The following DHX40 variants were observed in gnomAD, a reference collection of about 807,000 sequenced individuals.
DHX40 encodes the protein DEAH-box helicase 40.
A neutral mutation model predicts 89.6 loss-of-function variants in DHX40; 28 were observed. The observed-to-expected ratio is 0.31, with a 90% CI of 0.23 to 0.43. The LOEUF (loss-of-function observed/expected upper bound fraction) is 0.43, where lower values mean the gene tolerates loss of function less well. Ranked by LOEUF, DHX40 falls within the 20% of genes least tolerant of loss-of-function variation. DHX40 has a pLI of 1.00. For synonymous variants in DHX40, 226 were observed against 283.6 expected, an observed-to-expected ratio of 0.80 and a Z score of 2.04; for missense variants, 457 against 844.0, an observed-to-expected ratio of 0.54 and a Z score of 5.68.
chr17:59,567,339 G>A (rs117826007), intron 2 of DHX40, among the ~76,000 whole-genome samples: 2,015 of 152,210 alleles, frequency 0.013, 25 homozygotes, highest in Non-Finnish European at 0.021. Flanking sequence ...GAAGTTCCAC[G>A]CCACCAAGTC....
chr17:59,566,760 AAC>A lies in DHX40; in HGVS notation c.248_249del (p.Thr83AsnfsTer9), dbSNP rs2048710708. 6.3e-7 allele frequency: 1 copy of A among 1,589,774 alleles called. No homozygotes were observed. The highest frequency in any genetic ancestry group is 1.4e-5 in the African/African-American group (1 of 73,138). On this transcript the variant is annotated frameshift_variant, in exon 2 of 18. Coordinates refer to ENST00000251241, the MANE Select transcript of DHX40 (RefSeq NM_024612.5). LOFTEE classifies it high-confidence loss of function. Reference protein sequence around the residue: ...IVTGNTGSGKTTQLPKYLYEA... With the variant: ...IVTGNTGSGKXTQLPKYLYEA... The stretch of plus-strand genomic sequence containing the variant: ...TTACTGGAAATACAGGAAGTGGTAA[AAC>A]AACTCAACTCCCAAAATATCTATAT...
Position 59,605,468 on chromosome 17 carries a change from T to G in DHX40, c.1994T>G (p.Leu665Arg). 1 of 1,613,250 alleles carries G rather than the reference T, an allele frequency of 6.2e-7. No homozygotes were observed. Among genetic ancestry groups the G allele is most frequent in the East Asian group, 2.2e-5 (1 of 44,848 alleles). Residue 665 changes from leucine (L) to arginine (R), a missense_variant, in exon 17 of 18, where the codon CTT becomes CGT. Leu to Arg is a moderately radical substitution (Grantham distance 102). Coordinates refer to ENST00000251241, the MANE Select transcript of DHX40 (RefSeq NM_024612.5). ...TAGCTTCATGAACAGGAAACCAAAC[T>G]TGAATGGATCATTTTTCATGAGGTA... Reference protein sequence around the residue: ...SSALHEQETKLEWIIFHEVLV... With the variant: ...SSALHEQETKREWIIFHEVLV...
chr17:59,586,891 C>T (rs534977883), intron 11 of DHX40, among the ~76,000 whole-genome samples: 1 of 151,550 alleles, frequency 6.6e-6, no homozygotes, highest in African/African-American at 2.4e-5. Context: ...TGGTGGCTCA[C>T]GCCTGTAATT....
chr17:59,587,593 G>T (rs28361507), intron 11 of DHX40, among the ~76,000 whole-genome samples: 8,728 of 151,348 alleles, frequency 0.058, 708 homozygotes, highest in African/African-American at 0.19. Flanking sequence ...AAGTAGCAGG[G>T]ACTACAGGCG....
chr17:59,586,827 T>C (rs1273842953), intron 11 of DHX40, among the ~76,000 whole-genome samples: 1 of 152,110 alleles, frequency 6.6e-6, no homozygotes, highest in South Asian at 2.1e-4. Flanking sequence ...TTCATGTTTG[T>C]GTGATGGGGT....
intron 12 of DHX40, among the ~76,000 whole-genome samples, chr17:59,589,974 G>C (rs1287267925): frequency 2.0e-5 from 3 of 151,068 alleles, no homozygotes; most frequent in Admixed American, 6.6e-5. Context: ...GCCTACCTTG[G>C]CCTTGGGATT....
At chr17:59,602,147 A>G (rs1042803645) in intron 14 of DHX40, among the ~76,000 whole-genome samples, 1 of 152,006 alleles carries the variant, frequency 6.6e-6, no homozygotes, top group African/African-American at 2.4e-5. Flanking sequence ...TGTCCTGTGA[A>G]TTCTAGCCAC....
At position 59,573,743 on chromosome 17, in the gene DHX40, A is replaced by T. The variant is rs2048842971; in HGVS notation, c.550A>T (p.Ile184Phe). The T allele has an allele frequency of 6.2e-7, 1 of 1,613,810 alleles. No homozygotes were observed. The highest frequency in any genetic ancestry group is 1.7e-5 in the Admixed American group (1 of 59,984). Residue 184 changes from isoleucine (I) to phenylalanine (F), a missense_variant, in exon 5 of 18, where the codon ATC (isoleucine) becomes TTC (phenylalanine). Physicochemically the swap from Ile to Phe is conservative, Grantham distance 21. Transcript: ENST00000251241. ...EAHERTLTTD[I>F]LFGLLKKLFQ... ...TAGAAATTTACTTTTCTTTCAGGATATCTTATTTGGTTTATTGAAGAAGCT... is the reference window on the plus strand; with the variant it reads ...TAGAAATTTACTTTTCTTTCAGGATTTCTTATTTGGTTTATTGAAGAAGCT...
chr17:59,591,950 C>A (rs2049089832), intron 12 of DHX40, among the ~76,000 whole-genome samples: 1 of 151,784 alleles, frequency 6.6e-6, no homozygotes, highest in Non-Finnish European at 1.5e-5. Context: ...CTCACCGCAG[C>A]CTTGACCTCC....
At chr17:59,596,298 G>A (rs1432430480) in intron 12 of DHX40, among the ~76,000 whole-genome samples, 1 of 152,242 alleles carries the variant, frequency 6.6e-6, no homozygotes, top group Non-Finnish European at 1.5e-5. Context: ...CTGGCGTGTT[G>A]GCTCAAGCCT....
chr17:59,588,194 CA>C (rs1287378349), intron 12 of DHX40, 141 bp downstream of exon 12: 1 of 567,248 alleles, frequency 1.8e-6, no homozygotes, highest in Admixed American at 4.1e-5. Flanking sequence ...CCAGCCTTAC[CA>C]ACATGGTAAA....
At position 59,581,771 on chromosome 17, in the gene DHX40, A is replaced by C. The variant is rs1428407117; in HGVS notation, c.1343+1892A>C. On this transcript the variant is annotated intron_variant, in intron 10 of 17. Coordinates refer to ENST00000251241, the MANE Select transcript of DHX40 (RefSeq NM_024612.5). ...CGAAACTCTGTCTCCAAAAAAAAAAAAAAACCAAAAAAAGCAAAAAAAAAC... is the reference window on the plus strand; with the variant it reads ...CGAAACTCTGTCTCCAAAAAAAAAACAAAACCAAAAAAAGCAAAAAAAAAC... Among the ~76,000 whole-genome samples the C allele has an allele frequency of 8.2e-5, 10 of 122,360 alleles. 2 individuals are homozygous for C. Among genetic ancestry groups the C allele is most frequent in the Non-Finnish European group, 1.6e-4 (10 of 62,366 alleles). 80.3% of individuals were successfully genotyped at this position (122,360 alleles called of 152,430 possible).
chr17:59,579,012 TTG>T (rs2048919920), intron 8 of DHX40, among the ~76,000 whole-genome samples: 5 of 142,516 alleles, frequency 3.5e-5, no homozygotes, highest in African/African-American at 1.2e-4. Context: ...ATATATTCCA[TTG>T]TGTGTGTATA....
intron 4 of DHX40, 71 bp from the exon 5 acceptor site, chr17:59,573,669 T>G (rs1164956623): frequency 6.8e-7 from 1 of 1,463,934 alleles, no homozygotes; most frequent in Admixed American, 1.9e-5. Flanking sequence ...TTGGTTAGAA[T>G]AGCAGTGTAT....
chr17:59,601,957 G>A (rs532144378), intron 14 of DHX40, among the ~76,000 whole-genome samples: 100 of 152,134 alleles, frequency 6.6e-4, no homozygotes, highest in Non-Finnish European at 1.2e-3. Flanking sequence ...AGGAACAGGC[G>A]CCATTACTAG....
chr17:59,568,368 A>C (rs777737989), intron 2 of DHX40, among the ~76,000 whole-genome samples: 7 of 152,226 alleles, frequency 4.6e-5, no homozygotes, highest in Non-Finnish European at 8.8e-5. Context: ...AAAATAACAA[A>C]TGTATTATTC....
At chr17:59,585,661 T>A (rs1336140004) in intron 10 of DHX40, among the ~76,000 whole-genome samples, 6 of 150,694 alleles carry the variant, frequency 4.0e-5, no homozygotes, top group Non-Finnish European at 7.4e-5. Context: ...AGATGGAGGT[T>A]GCAGTGATCA....
Position 59,565,794 on chromosome 17 carries a change from C to G in DHX40, c.112+11C>G. ...GCATCGCCGATAGAGGTGCGGTCCGCGGGACGGTACGGAAGCCAGCGGGAG... is the reference window on the plus strand; with the variant it reads ...GCATCGCCGATAGAGGTGCGGTCCGGGGGACGGTACGGAAGCCAGCGGGAG... On this transcript the variant is annotated intron_variant, in intron 1 of 17. Coordinates refer to ENST00000251241, the MANE Select transcript of DHX40 (RefSeq NM_024612.5). 6.3e-7 allele frequency: 1 copy of G among 1,589,614 alleles called. No homozygotes were observed. Among genetic ancestry groups the G allele is most frequent in the East Asian group, 2.3e-5 (1 of 43,908 alleles).
rs1157802165 is a variant in DHX40 at position 59,577,283 on chromosome 17, T to G, written c.991T>G (p.Phe331Val). 1 of 1,613,464 alleles carries G rather than the reference T, an allele frequency of 6.2e-7. No homozygotes were observed. The highest frequency in any genetic ancestry group is 1.3e-5 in the African/African-American group (1 of 74,914). Residue 331 changes from phenylalanine (F) to valine (V), a missense_variant, in exon 8 of 18, where the codon TTT (phenylalanine) becomes GTT (valine). This residue lies in a region of DHX40 where 116 missense variants were observed against 188.9 expected (regional missense o/e 0.61). Coordinates refer to ENST00000251241, the MANE Select transcript of DHX40 (RefSeq NM_024612.5). Reference sequence around the variant, plus strand: ...TACTTCAGATCAACAGAGGAGGATATTTTTGCCACCACCACCTGGAATTAG... The same window carrying G: ...TACTTCAGATCAACAGAGGAGGATAGTTTTGCCACCACCACCTGGAATTAG... The part of the protein sequence containing the change: ...SMTTDQQRRI[F>V]LPPPPGIRKC...
Sources: allele counts gnomAD v4.1 joint callset (sites outside exome capture counted in the v4.1 genomes callset), GRCh38; gene constraint gnomAD v4.1.1; regional missense constraint gnomAD v4.1.1; transcripts MANE v1.5; gene names NCBI Gene and HGNC (gene_info 2026-07-23, HGNC 2026-07-21).